CTBP2: variants seen among roughly 807,000 people sequenced by gnomAD.
CTBP2 encodes C-terminal-binding protein 2.
A neutral mutation model predicts 80.3 loss-of-function variants in CTBP2; 30 were observed. That is an observed-to-expected ratio of 0.37 (90% CI 0.28 to 0.51). CTBP2 has a LOEUF of 0.51. CTBP2 is among the 20% of genes least tolerant of loss of function. The probability of loss-of-function intolerance (pLI) is 0.93; values close to 1 mark genes in which losing one functional copy is unlikely to be tolerated. For synonymous variants in CTBP2, 594 were observed against 587.4 expected (o/e 1.01, Z -0.16); for missense variants, 1,212 against 1,375.3 (o/e 0.88, Z 1.88).
At chr10:125,149,180 C>G (rs1217727572) in intron 1 of CTBP2, among the ~76,000 whole-genome samples, 2 of 152,172 alleles carry the variant, frequency 1.3e-5, no homozygotes, top group Non-Finnish European at 2.9e-5. Flanking sequence ...CTCACAAGGC[C>G]CGGCTCACAG....
chr10:124,993,171 C>T (rs113822838), intron 7 of CTBP2, 31 bp downstream of exon 9: 2 of 1,579,268 alleles, frequency 1.3e-6, no homozygotes, highest in Non-Finnish European at 8.7e-7. Context: ...TGAGGCTGCC[C>T]TTGGCAGGCC....
At position 125,067,916 on chromosome 10, in the gene CTBP2, C is replaced by T. The variant is rs187129806; in HGVS notation, c.-101-28761G>A. 1.6e-4 allele frequency among the ~76,000 whole-genome samples: 24 copies of T among 152,316 alleles called. No homozygotes were observed. The East Asian group carries it at 2.1e-3, about 13-fold the overall frequency. On this transcript the variant is annotated intron_variant, in intron 2 of 10. Transcript: ENST00000337195. ...AAGCCACCGGGCTGCAGACCCAGGG[C>T]GGGTCCGATGTATACCCTAGGAGGC...
intron 2 of CTBP2, among the ~76,000 whole-genome samples, chr10:125,047,564 T>C (rs1432428064): frequency 2.0e-5 from 3 of 152,252 alleles, no homozygotes; most frequent in African/African-American, 7.2e-5. Context: ...GGTTTTGAAC[T>C]TGAGGACTTG....
At chr10:125,049,134 C>T (rs1449384380) in intron 2 of CTBP2, among the ~76,000 whole-genome samples, 1 of 151,402 alleles carries the variant, frequency 6.6e-6, no homozygotes, top group Non-Finnish European at 1.5e-5. Flanking sequence ...ACCCCTTTCA[C>T]CAAGTTCTAA....
chr10:125,155,127 GAA>G (rs1860684686), intron 1 of CTBP2, among the ~76,000 whole-genome samples: 1 of 152,190 alleles, frequency 6.6e-6, no homozygotes, highest in Non-Finnish European at 1.5e-5. Context: ...AGATTACTGA[GAA>G]GAGAAAGCAC....
chr10:125,033,070 G>C (rs187060971), upstream of CTBP2, among the ~76,000 whole-genome samples: 135 of 152,294 alleles, frequency 8.9e-4, no homozygotes, highest in Middle Eastern at 3.4e-3. Context: ...CCCAAGTCTC[G>C]GATAAATCTG....
chr10:125,076,563 A>T (rs77308213), intron 2 of CTBP2, among the ~76,000 whole-genome samples: 10,142 of 152,130 alleles, frequency 0.067, 446 homozygotes, highest in Middle Eastern at 0.15. Flanking sequence ...ACTCACACAA[A>T]AGAGCACCTG....
intron 1 of CTBP2, among the ~76,000 whole-genome samples, chr10:125,023,870 C>T (rs538640671): frequency 1.3e-5 from 2 of 152,328 alleles, no homozygotes; most frequent in African/African-American, 4.8e-5. Flanking sequence ...CAGTGCAACA[C>T]CGCCCATCCC....
intron 1 of CTBP2, among the ~76,000 whole-genome samples, chr10:125,154,348 C>T (rs1163039678): frequency 1.3e-5 from 2 of 152,152 alleles, no homozygotes; most frequent in Non-Finnish European, 2.9e-5. Context: ...GGGCAGACAA[C>T]AGCAGCTATT....
intron 2 of CTBP2, among the ~76,000 whole-genome samples, chr10:125,072,589 C>G (rs762195520): frequency 1.5e-4 from 21 of 143,428 alleles, no homozygotes; most frequent in Non-Finnish European, 2.5e-4. Context: ...GCACTCCAGC[C>G]TGGACAACAG....
chr10:125,107,173 C>A (rs767417418), intron 2 of CTBP2, among the ~76,000 whole-genome samples: 3 of 152,236 alleles, frequency 2.0e-5, no homozygotes, highest in Non-Finnish European at 2.9e-5. Flanking sequence ...CGAAGGCTGG[C>A]TAAAGCTTCG....
rs533710293 is a variant in CTBP2, at chr10:125,068,732, AG to A, written c.-101-29578del. ...GAGGACTCATCAGCACCCTATGCAGAGGGGTTTCTGAGCACAGGACCAGGCC... is the reference window on the plus strand; with the variant it reads ...GAGGACTCATCAGCACCCTATGCAGAGGGTTTCTGAGCACAGGACCAGGCC... On this transcript the variant is annotated intron_variant, in intron 2 of 10. Transcript: ENST00000337195. Among the ~76,000 whole-genome samples, 5 of 152,264 alleles carry A rather than the reference AG, an allele frequency of 3.3e-5. No homozygotes were observed. The South Asian group carries it at 1.0e-3, about 32-fold the overall frequency.
chr10:125,047,628 T>C (rs1961594629), intron 2 of CTBP2, among the ~76,000 whole-genome samples: 1 of 152,284 alleles, frequency 6.6e-6, no homozygotes, highest in African/African-American at 2.4e-5. Flanking sequence ...CTGGAGGTTA[T>C]ATGCTAAACC....
chr10:125,157,807 T>TAA (rs1235380989), intron 1 of CTBP2, among the ~76,000 whole-genome samples: 1 of 152,226 alleles, frequency 6.6e-6, no homozygotes, highest in Non-Finnish European at 1.5e-5. Flanking sequence ...ATGGCAACTG[T>TAA]AAGCATATTT....
chr10:125,005,976 C>T (rs1030990270), intron 1 of CTBP2: 16 of 1,464,300 alleles, frequency 1.1e-5, no homozygotes, highest in Middle Eastern at 2.6e-4. Flanking sequence ...AATCCAGAGC[C>T]GCTGATGCGT....
chr10:125,005,849 C>T, intron 1 of CTBP2: 1 of 1,580,494 alleles, frequency 6.3e-7, no homozygotes, highest in Non-Finnish European at 8.6e-7. Context: ...AACACCCCAA[C>T]TTCACTTTCA....
At chr10:125,031,927 G>A (rs1246680923), upstream of CTBP2, among the ~76,000 whole-genome samples, 2 of 152,140 alleles carry the variant, frequency 1.3e-5, no homozygotes, top group Non-Finnish European at 2.9e-5. Flanking sequence ...ATGTCTCTCA[G>A]TATTTAGCCA....
At chr10:124,997,646 C>T (rs902838778) in intron 4 of CTBP2, 3 of 425,652 alleles carry the variant, frequency 7.0e-6, no homozygotes, top group Admixed American at 4.1e-5. Context: ...ACAGCCCCTG[C>T]CCTTCACCCC....
chr10:125,067,255 A>G (rs1010880198), intron 2 of CTBP2, among the ~76,000 whole-genome samples: 2 of 152,198 alleles, frequency 1.3e-5, no homozygotes, highest in Non-Finnish European at 2.9e-5. Flanking sequence ...GTCATCAAAA[A>G]TAAGGAAAGA....
Sources: gnomAD v4.1 joint callset for allele counts (sites outside exome capture counted in the v4.1 genomes callset) on GRCh38, gnomAD v4.1.1 for gene constraint, MANE v1.5 for transcripts, NCBI Gene and HGNC (gene_info 2026-07-23, HGNC 2026-07-21) for gene names.